SI: variants seen among roughly 807,000 people sequenced by gnomAD.
SI encodes sucrase-isomaltase, intestinal.
A neutral mutation model predicts 253.3 loss-of-function variants in SI; 235 were observed. The observed-to-expected ratio is 0.93, with a 90% CI of 0.83 to 1.03. SI has a LOEUF of 1.03. Among genes scored for constraint, SI ranks in the 50% least tolerant of loss-of-function variants. The pLI is 0.00. For synonymous variants in SI, 819 were observed against 712.0 expected (o/e 1.15, Z -2.39); for missense variants, 2,442 against 2,211.1 (o/e 1.10, Z -2.09).
chr3:165,076,385 A>T (rs1005262714), intron 1 of SI, among the ~76,000 whole-genome samples: 2 of 147,246 alleles, frequency 1.4e-5, no homozygotes, highest in African/African-American at 4.9e-5. Context: ...TTCCACTTGC[A>T]CTGTTTCTCA....
chr3:165,052,877 T>C (rs1713502258), intron 13 of SI, among the ~76,000 whole-genome samples: 1 of 152,094 alleles, frequency 6.6e-6, no homozygotes, highest in South Asian at 2.1e-4. Context: ...AAGCTTCTAG[T>C]TATTTGGATA....
In SI at chr3:165,023,514, C is replaced by CA; in HGVS notation, c.3099+55dup. 5.1e-6 allele frequency: 6 copies of CA among 1,167,936 alleles called. No homozygotes were observed. The South Asian group carries it at 7.3e-5, about 14-fold the overall frequency. 72.3% of individuals were successfully genotyped at this position (1,167,936 alleles called of 1,614,324 possible). ...ATTAAATATCAATCACAGGATTATT[C>CA]AAAATCTCATCTCACAAGATGAGTT... On this transcript the variant is annotated intron_variant, in intron 26 of 47. Transcript: ENST00000264382.
At chr3:165,081,484 C>A (rs1236494817), upstream of SI, among the ~76,000 whole-genome samples, 1 of 151,882 alleles carries the variant, frequency 6.6e-6, no homozygotes, top group Non-Finnish European at 1.5e-5. Context: ...AAATCATGGA[C>A]GTCTACAGTA....
intron 37 of SI, among the ~76,000 whole-genome samples, chr3:165,005,323 T>A (rs184490154): frequency 1.3e-5 from 2 of 152,186 alleles, no homozygotes; most frequent in Admixed American, 6.6e-5. Context: ...ATAGTTTAAT[T>A]GTATACTTAA....
rs1234839544 is a variant in SI, at chr3:165,046,223, A to T, written c.1887+618T>A. On this transcript the variant is annotated intron_variant, in intron 16 of 47. Coordinates refer to ENST00000264382, the MANE Select transcript of SI (RefSeq NM_001041.4). ...TTTGTTTTATTTGTGCATATGAAAG[A>T]AAACAAATCACTATAGTTTTATAAT... Among the ~76,000 whole-genome samples, 8 of 152,108 alleles carry T rather than the reference A, an allele frequency of 5.3e-5. No individual in the cohort carries two copies. In the East Asian group the frequency reaches 1.5e-3, roughly 29 times the overall value.
chr3:165,083,857 A>C, the SI span, among the ~76,000 whole-genome samples: 1 of 152,066 alleles, frequency 6.6e-6, no homozygotes, highest in East Asian at 1.9e-4. Flanking sequence ...AAACCTTAAA[A>C]GGATTATAAT....
upstream of SI, among the ~76,000 whole-genome samples, chr3:165,078,671 G>A (rs146486438): frequency 7.3e-4 from 111 of 151,654 alleles, 1 homozygote; most frequent in East Asian, 0.02. Flanking sequence ...ATTAGTAATT[G>A]TACTGTCAGA....
At chr3:165,014,995 A>T in intron 33 of SI, 128 bp downstream of exon 33, 1 of 688,196 alleles carries the variant, frequency 1.5e-6, no homozygotes, top group South Asian at 1.8e-5. Context: ...ACATTATTTT[A>T]TTAGTTATTA....
intron 5 of SI, among the ~76,000 whole-genome samples, 192 bp downstream of exon 5, chr3:165,068,530 C>T (rs1033427456): frequency 6.6e-6 from 1 of 152,110 alleles, no homozygotes; most frequent in Non-Finnish European, 1.5e-5. Context: ...CCCGCCACCA[C>T]GCCTGGCTAA....
upstream of SI, among the ~76,000 whole-genome samples, chr3:165,080,900 T>G (rs946875464): frequency 6.6e-6 from 1 of 151,668 alleles, no homozygotes; most frequent in Non-Finnish European, 1.5e-5. Flanking sequence ...AAAGTATAAT[T>G]TAAAAAAAGA....
upstream of SI, among the ~76,000 whole-genome samples, chr3:165,081,101 A>AGAAGGT (rs563913055): frequency 8.6e-3 from 1,312 of 152,118 alleles, 14 homozygotes; most frequent in Middle Eastern, 0.017. Context: ...AAAAATGCTT[A>AGAAGGT]GAAGGTAAAT....
At chr3:165,050,015 C>T in intron 13 of SI, 140 bp from the exon 14 acceptor site, 1 of 638,686 alleles carries the variant, frequency 1.6e-6, no homozygotes, top group Non-Finnish European at 2.9e-6. Context: ...TATAAGCTAC[C>T]AACCTAAAAA....
At chr3:165,042,271 T>A (rs1468115815) in intron 17 of SI, among the ~76,000 whole-genome samples, 2 of 152,114 alleles carry the variant, frequency 1.3e-5, no homozygotes, top group Non-Finnish European at 2.9e-5. Context: ...AATTTGTACC[T>A]TTTAATTTTT....
intron 25 of SI, among the ~76,000 whole-genome samples, chr3:165,027,594 T>C (rs1711995774): frequency 6.6e-6 from 1 of 151,028 alleles, no homozygotes; most frequent in East Asian, 1.9e-4. Context: ...CAACAACATA[T>C]CAAAAAGATA....
chr3:165,024,987 G>A (rs763626412), intron 25 of SI, among the ~76,000 whole-genome samples: 76 of 151,260 alleles, frequency 5.0e-4, no homozygotes, highest in Non-Finnish European at 9.8e-4. Flanking sequence ...TTGCATAGTT[G>A]ATCATTTCTT....
Position 165,041,031 on chromosome 3 carries a change from T to A in SI, c.2068A>T (p.Thr690Ser), listed in dbSNP as rs915042043. Residue 690 changes from threonine (T) to serine (S), a missense_variant, in exon 18 of 48, where the codon ACT becomes TCT. Thr to Ser is a moderately conservative substitution (Grantham distance 58). Coordinates refer to ENST00000264382, the MANE Select transcript of SI (RefSeq NM_001041.4). ...AAGGGTAATAAGGTGTAGCGAATAGTTAAATACTGCCTTGATGATTTAACC... is the reference window on the plus strand; with the variant it reads ...AAGGGTAATAAGGTGTAGCGAATAGATAAATACTGCCTTGATGATTTAACC... Reference protein sequence around the residue: ...LLVKSSRQYLTIRYTLLPFLY... With the variant: ...LLVKSSRQYLSIRYTLLPFLY... The A allele has an allele frequency of 6.2e-7, 1 of 1,612,746 alleles. No individual in the cohort carries two copies. The highest frequency in any genetic ancestry group is 8.5e-7 in the Non-Finnish European group (1 of 1,179,170).
At chr3:164,997,662 C>A (rs891603026) in intron 38 of SI, among the ~76,000 whole-genome samples, 8 of 151,662 alleles carry the variant, frequency 5.3e-5, no homozygotes, top group Non-Finnish European at 1.0e-4. Flanking sequence ...TTCATATAGG[C>A]CCTGGTGTCT....
intron 37 of SI, among the ~76,000 whole-genome samples, chr3:165,001,111 A>T (rs1202481515): frequency 6.6e-6 from 1 of 151,358 alleles, no homozygotes; most frequent in Non-Finnish European, 1.5e-5. Context: ...ATAGTTTCTA[A>T]AAGAAAATGT....
At chr3:165,020,001 T>C (rs1385090295) in intron 27 of SI, among the ~76,000 whole-genome samples, 1 of 151,766 alleles carries the variant, frequency 6.6e-6, no homozygotes, top group Non-Finnish European at 1.5e-5. Context: ...AGAATCATAA[T>C]ATAAATAATA....
Sources: gnomAD v4.1 joint callset for allele counts (sites outside exome capture counted in the v4.1 genomes callset) on GRCh38, gnomAD v4.1.1 for gene constraint, MANE v1.5 for transcripts, NCBI Gene and HGNC (gene_info 2026-07-23, HGNC 2026-07-21) for gene names.